The following HSPBP1 variants were observed in gnomAD, a reference collection of about 807,000 sequenced individuals.
The protein encoded by HSPBP1 is HSPA (Hsp70) binding protein 1.
HSPBP1 carries 31 observed loss-of-function variants against 41.7 expected under a neutral mutation model. The ratio of observed to expected loss-of-function variants is 0.74; its 90% CI spans 0.56 to 1.00. HSPBP1 has a LOEUF of 1.00. Among genes scored for constraint, HSPBP1 ranks in the 50% least tolerant of loss-of-function variants. The pLI is 0.00. For missense variants in HSPBP1, 439 were observed against 487.9 expected (o/e 0.90, Z 0.94); for synonymous variants, 199 against 214.4 (o/e 0.93, Z 0.63).
At chr19:55,269,812 T>A (rs1290253823) in intron 4 of HSPBP1, among the ~76,000 whole-genome samples, 1 of 152,162 alleles carries the variant, frequency 6.6e-6, no homozygotes, top group Admixed American at 6.5e-5. Context: ...AAACCCATAG[T>A]ACATACAGCA....
rs371872619 is a variant in HSPBP1, at chr19:55,266,215, C to T, written c.712G>A (p.Ala238Thr). The T allele has an allele frequency of 3.2e-6, 5 of 1,584,312 alleles. No homozygotes were observed. Among genetic ancestry groups the T allele is most frequent in the South Asian group, 1.2e-5 (1 of 86,936 alleles). The change falls in exon 5 of 8, where the codon GCC becomes ACC. Residue 238 changes from alanine to threonine, a missense_variant. By Grantham distance (58) the Ala-to-Thr change is moderately conservative. Coordinates refer to ENST00000433386, the MANE Select transcript of HSPBP1 (RefSeq NM_012267.5). Reference protein sequence around the residue: ...RLDGFSVLMRAMQQQVQKLKV... With the variant: ...RLDGFSVLMRTMQQQVQKLKV... ...AGCTTCTGCACCTGCTGCTGCATGG[C>T]CCTCATCAACACAGAGAAGCCGTCC...
chr19:55,277,693 C>T lies in HSPBP1; in HGVS notation c.364G>A (p.Gly122Arg), dbSNP rs61733819. The change falls in exon 3 of 8, where the codon GGG (glycine) becomes AGG (arginine). Residue 122 changes from glycine (G) to arginine (R), a missense_variant. Gly to Arg is a moderately radical substitution (Grantham distance 125, BLOSUM62 -2). Coordinates refer to ENST00000433386, the MANE Select transcript of HSPBP1 (RefSeq NM_012267.5). The stretch of plus-strand genomic sequence containing the variant: ...AGGTCGGCCAGCAGCTCCAGGGCCC[C>T]CTCTCGCTCTTGCTGGTCGGCCGCC... The part of the protein sequence containing the change: ...EQAADQQERE[G>R]ALELLADLCE... 9.3e-6 allele frequency: 15 copies of T among 1,605,676 alleles called. No individual in the cohort carries two copies. Among genetic ancestry groups the T allele is most frequent in the Non-Finnish European group, 1.7e-6 (2 of 1,177,110 alleles).
In HSPBP1 at chr19:55,262,603, T is replaced by C. The variant is rs1242205721; in HGVS notation, c.*5A>G. On this transcript the variant is annotated 3_prime_UTR_variant, in exon 8 of 8. Coordinates refer to ENST00000433386, the MANE Select transcript of HSPBP1 (RefSeq NM_012267.5). ...ACGGAGAAGGGGGCAAGAAGCCACC[T>C]GGTTTCACCGATCCATGCTGTCGTC... 2 of 1,613,696 alleles carry C rather than the reference T, an allele frequency of 1.2e-6. No homozygotes were observed. Among genetic ancestry groups the C allele is most frequent in the African/African-American group, 1.3e-5 (1 of 75,052 alleles).
intron 2 of HSPBP1, 66 bp downstream of exon 2, chr19:55,279,333 C>A: frequency 2.1e-6 from 3 of 1,432,710 alleles, no homozygotes; most frequent in East Asian, 2.3e-5. Flanking sequence ...CCAAGTCACA[C>A]TTCCCAAGGC....
chr19:55,266,520 TCAC>T (rs1208316232), intron 4 of HSPBP1, among the ~76,000 whole-genome samples: 3 of 81,306 alleles, frequency 3.7e-5, no homozygotes, highest in Admixed American at 1.1e-4. Flanking sequence ...ACCACCACCA[TCAC>T]CACCACCATC....
chr19:55,265,888 G>A lies in HSPBP1; in HGVS notation c.891C>T (p.Cys297=). 1.2e-6 allele frequency: 2 copies of A among 1,602,916 alleles called. No homozygotes were observed. Among genetic ancestry groups the A allele is most frequent in the African/African-American group, 1.3e-5 (1 of 74,722 alleles). Residue 297 remains cysteine, a splice_region_variant and synonymous_variant, in exon 6 of 8, where the codon TGC becomes TGT. Coordinates refer to ENST00000433386, the MANE Select transcript of HSPBP1 (RefSeq NM_012267.5). ...PFHEHVLGAL[C]SLVTDFPQGV... is the part of the protein sequence containing the mutation. ...GTCCTCTCAAGGAGCCAAAGTACCT[G>A]CACAGGGCTCCAAGCACGTGCTCGT...
In HSPBP1 at chr19:55,266,171, G is replaced by T; in HGVS notation, c.756C>A (p.Phe252Leu). The T allele has an allele frequency of 1.3e-6, 2 of 1,594,280 alleles. No homozygotes were observed. Among genetic ancestry groups the T allele is most frequent in the South Asian group, 1.1e-5 (1 of 87,952 alleles). Residue 252 changes from phenylalanine (F) to leucine (L), a missense_variant, in exon 5 of 8, where the codon TTC becomes TTA. Phe to Leu is a conservative substitution (Grantham distance 22, BLOSUM62 0). Transcript: ENST00000433386. ...QVQKLKVKSA[F>L]LLQNLLVGHP... ...GGCCCACCAGCAGGTTCTGCAGCAG[G>T]AATGCTGATTTGACCTTGAGCTTCT... is the stretch of plus-strand genomic sequence containing the variant.
intron 2 of HSPBP1, 74 bp downstream of exon 2, chr19:55,279,325 A>C: frequency 3.0e-6 from 4 of 1,337,604 alleles, no homozygotes. Context: ...GTGGCTCCCC[A>C]AGTCACACTT....
chr19:55,274,347 A>ACCCCCCCCCCCCCCCGCCCCCCCCC, intron 4 of HSPBP1, 51 bp downstream of exon 4: 1 of 325,718 alleles, frequency 3.1e-6, no homozygotes, highest in South Asian at 3.5e-5. Flanking sequence ...CCCACCCGGC[A>ACCCCCCCCCCCCCCCGCCCCCCCCC]CCCCCCCCCA....
intron 7 of HSPBP1, among the ~76,000 whole-genome samples, chr19:55,264,637 G>C (rs770319438): frequency 4.6e-5 from 7 of 152,090 alleles, no homozygotes; most frequent in Non-Finnish European, 1.0e-4. Flanking sequence ...TAAGACATTT[G>C]AGTGATATTA....
At chr19:55,277,361 A>T (rs1048554154) in intron 3 of HSPBP1, among the ~76,000 whole-genome samples, 56 of 152,148 alleles carry the variant, frequency 3.7e-4, no homozygotes, top group African/African-American at 1.3e-3. Flanking sequence ...CTGCCACCCC[A>T]CCCATGCCAC....
intron 4 of HSPBP1, among the ~76,000 whole-genome samples, chr19:55,271,830 T>C (rs941773200): frequency 1.3e-5 from 2 of 151,952 alleles, no homozygotes; most frequent in African/African-American, 4.8e-5. Context: ...GAGGCTGAGG[T>C]GCTCACCTGA....
chr19:55,265,593 G>T (rs528895192), intron 6 of HSPBP1, among the ~76,000 whole-genome samples: 2 of 152,044 alleles, frequency 1.3e-5, no homozygotes, highest in Admixed American at 1.3e-4. Context: ...ACAGGGCCTG[G>T]TGCGTGTCAA....
At chr19:55,271,393 C>T (rs774323227) in intron 4 of HSPBP1, among the ~76,000 whole-genome samples, 11 of 151,952 alleles carry the variant, frequency 7.2e-5, no homozygotes, top group Non-Finnish European at 1.6e-4. Context: ...TTTTTTAATG[C>T]AAGCTATTAG....
At chr19:55,266,085 A>C (rs759320217) in intron 5 of HSPBP1, 46 bp downstream of exon 5, 1 of 1,582,174 alleles carries the variant, frequency 6.3e-7, no homozygotes, top group South Asian at 1.1e-5. Flanking sequence ...CACCCACCCC[A>C]GGGCGTCTGC....
intron 6 of HSPBP1, among the ~76,000 whole-genome samples, 196 bp from the exon 7 acceptor site, chr19:55,265,585 A>G (rs887920901): frequency 1.3e-5 from 2 of 152,006 alleles, no homozygotes; most frequent in African/African-American, 4.8e-5. Flanking sequence ...GGCTCAGCAC[A>G]GGGCCTGGTG....
chr19:55,266,652 C>T (rs767712204), intron 4 of HSPBP1, among the ~76,000 whole-genome samples: 2 of 149,058 alleles, frequency 1.3e-5, no homozygotes, highest in African/African-American at 2.5e-5. Flanking sequence ...CGTCAATCAT[C>T]GTCACCATCA....
intron 7 of HSPBP1, among the ~76,000 whole-genome samples, chr19:55,264,957 A>AC (rs1248034500): frequency 2.7e-5 from 4 of 150,412 alleles, no homozygotes; most frequent in Admixed American, 6.6e-5. Context: ...GGAATTCCTC[A>AC]CCCCCCAGGC....
intron 4 of HSPBP1, 68 bp from the exon 5 acceptor site, chr19:55,266,354 A>G: frequency 6.8e-7 from 1 of 1,471,872 alleles, no homozygotes; most frequent in Admixed American, 2.2e-5. Flanking sequence ...AAGCACCATC[A>G]CCAACATCAT....
Sources: allele counts gnomAD v4.1 joint callset (sites outside exome capture counted in the v4.1 genomes callset), GRCh38; gene constraint gnomAD v4.1.1; transcripts MANE v1.5; gene names NCBI Gene and HGNC (gene_info 2026-07-23, HGNC 2026-07-21).